Variants in FSCN3 observed in about 807,000 individuals in gnomAD.
FSCN3 encodes the protein fascin-3.
A neutral mutation model predicts 53.5 loss-of-function variants in FSCN3; 43 were observed. The ratio of observed to expected loss-of-function variants is 0.80; its 90% confidence interval spans 0.63 to 1.04. The LOEUF (loss-of-function observed/expected upper bound fraction) is 1.04, where lower values mean the gene tolerates loss of function less well. Among genes scored for constraint, FSCN3 ranks in the 50% least tolerant of loss-of-function variants. The probability of loss-of-function intolerance (pLI) is 0.00; values close to 1 mark genes in which losing one functional copy is unlikely to be tolerated. For missense variants in FSCN3, 594 were observed against 646.5 expected, an observed-to-expected ratio of 0.92 and a Z score of 0.88; for synonymous variants, 235 against 246.6, an observed-to-expected ratio of 0.95 and a Z score of 0.44.
At position 127,595,878 on chromosome 7, in the gene FSCN3, G is replaced by A; in HGVS notation, c.716G>A (p.Gly239Asp). ...GAAGGAGGCATGTTATATCCACAGG[G>A]CACGCATCTGCTCTTGGGCATGGGC... is the stretch of plus-strand genomic sequence containing the variant. Reference protein sequence around the residue: ...DGEGGMLYPQGTHLLLGMGCN... With the variant: ...DGEGGMLYPQDTHLLLGMGCN... The change falls in exon 2 of 7, where the codon GGC (glycine) becomes GAC (aspartate). Residue 239 changes from glycine (G) to aspartate (D), a missense_variant. Gly to Asp is a moderately conservative substitution (Grantham distance 94). Transcript: ENST00000265825. 1 of 1,613,690 alleles carries A rather than the reference G, an allele frequency of 6.2e-7. No homozygotes were observed. The highest frequency in any genetic ancestry group is 8.5e-7 in the Non-Finnish European group (1 of 1,179,778).
rs1208077398 is a variant in FSCN3, at chr7:127,596,371, C to A, written c.885C>A (p.Ser295=). ...RAASERLNRM[S]LFQFECDSES... is the part of the protein sequence containing the mutation. The stretch of plus-strand genomic sequence containing the variant: ...CTTCTGAGCGCTTAAACCGAATGTC[C>A]TTGTTCCAGTTTGAATGTGACAGTG... Residue 295 remains serine (S), a synonymous_variant, in exon 3 of 7, where the codon TCC becomes TCA. Coordinates refer to ENST00000265825, the MANE Select transcript of FSCN3 (RefSeq NM_020369.3). 4 of 1,613,212 alleles carry A rather than the reference C, an allele frequency of 2.5e-6. No individual in the cohort carries two copies. In the East Asian group the frequency reaches 8.9e-5, roughly 36 times the overall value.
At chr7:127,594,083 AGT>A (rs781066193) in intron 1 of FSCN3, 86 bp downstream of exon 1, 2 of 1,403,422 alleles carry the variant, frequency 1.4e-6, no homozygotes, top group African/African-American at 1.7e-5. Context: ...TGTGTGCGTG[AGT>A]GTATGTGTGT....
At chr7:127,597,448 T>C (rs1794405260) in intron 3 of FSCN3, among the ~76,000 whole-genome samples, 1 of 152,072 alleles carries the variant, frequency 6.6e-6, no homozygotes, top group Admixed American at 6.6e-5. Context: ...TGGATTTAAT[T>C]CACATTTACC....
At position 127,599,440 on chromosome 7, in the gene FSCN3, C is replaced by G. The variant is rs370690397; in HGVS notation, c.1180C>G (p.Arg394Gly). Residue 394 changes from arginine to glycine, a missense_variant, in exon 5 of 7, where the codon CGT becomes GGT. By Grantham distance (125) the Arg-to-Gly change is moderately radical. Transcript: ENST00000265825. The stretch of plus-strand genomic sequence containing the variant: ...TCGCTCCTTCCTTGTATTGCGAGGT[C>G]GTTATGGCTATGTGGGCTCCTCATC... ...ANRSFLVLRG[R>G]YGYVGSSSGH... 1.9e-6 allele frequency: 3 copies of G among 1,613,942 alleles called. No homozygotes were observed. The highest frequency in any genetic ancestry group is 2.5e-6 in the Non-Finnish European group (3 of 1,179,880).
At position 127,595,656 on chromosome 7, in the gene FSCN3, G is replaced by T; in HGVS notation, c.494G>T (p.Arg165Leu). The T allele has an allele frequency of 6.2e-7, 1 of 1,613,638 alleles. No homozygotes were observed. Among genetic ancestry groups the T allele is most frequent in the Non-Finnish European group, 8.5e-7 (1 of 1,179,518 alleles). Residue 165 changes from arginine (R) to leucine (L), a missense_variant, in exon 2 of 7, where the codon CGC (arginine) becomes CTC (leucine). Transcript: ENST00000265825. Reference protein sequence around the residue: ...CYARADPTMGRIWVDAAVPCL... With the variant: ...CYARADPTMGLIWVDAAVPCL... ...GCCCGGGCTGACCCCACTATGGGCC[G>T]CATCTGGGTGGACGCAGCAGTTCCC... is the stretch of plus-strand genomic sequence containing the variant.
rs73720861 is a variant in FSCN3, at chr7:127,595,451, C to A, written c.289C>A (p.Leu97Met). ...PRTSHHGCFL[L>M]RFHRNSKWTL... is the part of the protein sequence containing the mutation. The stretch of plus-strand genomic sequence containing the variant: ...GACCAGCCACCATGGGTGCTTTCTA[C>A]TGCGTTTCCACCGGAACAGCAAGTG... Residue 97 changes from leucine (L) to methionine (M), a missense_variant, in exon 2 of 7, where the codon CTG becomes ATG. Physicochemically the swap from Leu to Met is conservative, Grantham distance 15 (BLOSUM62 2). Coordinates refer to ENST00000265825, the MANE Select transcript of FSCN3 (RefSeq NM_020369.3). 5,485 of 1,614,164 alleles carry A rather than the reference C, an allele frequency of 3.4e-3. 165 individuals carry two copies. The African/African-American group carries it at 0.062, about 18-fold the overall frequency.
intron 4 of FSCN3, 70 bp from the exon 5 acceptor site, chr7:127,599,311 C>T (rs1794435650): frequency 8.4e-7 from 1 of 1,187,746 alleles, no homozygotes; most frequent in East Asian, 2.4e-5. Flanking sequence ...TTAGCGTCCC[C>T]CCTCCTGCTT....
rs35223517 is a variant in FSCN3 at position 127,600,276 on chromosome 7, G to A, written c.1374G>A (p.Glu458=). ...WGKFALNFCI[E]LQGSNLLTVL... is the part of the protein sequence containing the mutation. ...AGTTTGCCCTCAACTTCTGTATCGA[G>A]CTTCAGGGGAGCAACTTACTCACTG... Residue 458 remains glutamate, a synonymous_variant, in exon 6 of 7, where the codon GAG becomes GAA. Coordinates refer to ENST00000265825, the MANE Select transcript of FSCN3 (RefSeq NM_020369.3). 6.8e-4 allele frequency: 1,099 copies of A among 1,609,422 alleles called. 4 individuals carry two copies. In the African/African-American group the frequency reaches 0.013, roughly 19 times the overall value.
rs747596714 is a variant in FSCN3 at position 127,598,602 on chromosome 7, G to A, written c.1120+8G>A. ...CCAATGTCATCCTTCCAGGTGAGTG[G>A]AGCAGCCTTCCTGCCAGATGATTCC... On this transcript the variant is annotated splice_region_variant and intron_variant, in intron 4 of 6. Coordinates refer to ENST00000265825, the MANE Select transcript of FSCN3 (RefSeq NM_020369.3). 1.9e-6 allele frequency: 3 copies of A among 1,592,074 alleles called. No individual in the cohort carries two copies. Among genetic ancestry groups the A allele is most frequent in the East Asian group, 4.5e-5 (2 of 44,326 alleles).
chr7:127,598,013 C>T (rs1210495176), intron 3 of FSCN3, among the ~76,000 whole-genome samples: 2 of 152,148 alleles, frequency 1.3e-5, no homozygotes, highest in African/African-American at 4.8e-5. Context: ...CAGTGAAGTT[C>T]AGTTTATCAA....
At chr7:127,598,668 T>TA in intron 4 of FSCN3, 74 bp downstream of exon 4, 1 of 1,325,946 alleles carries the variant, frequency 7.5e-7, no homozygotes, top group East Asian at 2.3e-5. Flanking sequence ...ATATGATTGT[T>TA]AAAAAGAGCA....
Position 127,595,572 on chromosome 7 carries a change from C to T in FSCN3, c.410C>T (p.Thr137Ile), listed in dbSNP as rs752054637. 1.2e-6 allele frequency: 2 copies of T among 1,613,830 alleles called. No individual in the cohort carries two copies. Among genetic ancestry groups the T allele is most frequent in the Non-Finnish European group, 1.7e-6 (2 of 1,179,718 alleles). Residue 137 changes from threonine (T) to isoleucine (I), a missense_variant, in exon 2 of 7, where the codon ACC becomes ATC. By Grantham distance (89) the Thr-to-Ile change is moderately conservative. Coordinates refer to ENST00000265825, the MANE Select transcript of FSCN3 (RefSeq NM_020369.3). ...SHVLSAYHMW[T>I]PRPALHVHVI... The stretch of plus-strand genomic sequence containing the variant: ...GTCCTCTCAGCTTACCACATGTGGA[C>T]CCCCCGACCAGCCCTCCATGTCCAC...
chr7:127,599,999 C>G (rs1184051101), intron 5 of FSCN3, among the ~76,000 whole-genome samples, 195 bp from the exon 6 acceptor site: 3 of 151,982 alleles, frequency 2.0e-5, no homozygotes, highest in Non-Finnish European at 4.4e-5. Flanking sequence ...CTTCAAAGCC[C>G]CAGGGTGGGT....
At chr7:127,597,070 G>A (rs988881218) in intron 3 of FSCN3, among the ~76,000 whole-genome samples, 7 of 152,202 alleles carry the variant, frequency 4.6e-5, no homozygotes, top group Non-Finnish European at 8.8e-5. Flanking sequence ...TTTTATTGCC[G>A]AGTGGTATTC....
chr7:127,599,657 A>T lies in FSCN3; in HGVS notation c.1291+106A>T, dbSNP rs1440261487. 2.1e-5 allele frequency: 23 copies of T among 1,093,848 alleles called. No individual in the cohort carries two copies. The East Asian group carries it at 5.3e-4, about 25-fold the overall frequency. 67.8% of individuals were successfully genotyped at this position (1,093,848 alleles called of 1,614,324 possible). On this transcript the variant is annotated intron_variant, in intron 5 of 6. Coordinates refer to ENST00000265825, the MANE Select transcript of FSCN3 (RefSeq NM_020369.3). ...CTCAGGGCTTGCTCATTATAAAAGG[A>T]AAAACAGGCCAGGCGCAGTGGCTCA...
At position 127,599,540 on chromosome 7, in the gene FSCN3, A is replaced by G. The variant is rs1368972335; in HGVS notation, c.1280A>G (p.Tyr427Cys). 6.2e-7 allele frequency: 1 copy of G among 1,613,886 alleles called. No homozygotes were observed. Among genetic ancestry groups the G allele is most frequent in the South Asian group, 1.1e-5 (1 of 91,048 alleles). The change falls in exon 5 of 7, where the codon TAC becomes TGC. Residue 427 changes from tyrosine (Y) to cysteine (C), a missense_variant. Tyr to Cys is a radical substitution (Grantham distance 194). Coordinates refer to ENST00000265825, the MANE Select transcript of FSCN3 (RefSeq NM_020369.3). ...IHLLPCRPGI[Y>C]HFQAQGGSFW... ...CTACTACCCTGCCGACCGGGTATCT[A>G]CCACTTCCAGGGTGAGTGGCTCCTC...
chr7:127,600,068 C>G lies in FSCN3; in HGVS notation c.1292-126C>G. 4.7e-6 allele frequency: 3 copies of G among 632,476 alleles called. No individual in the cohort carries two copies. In the East Asian group the frequency reaches 8.0e-5, roughly 17 times the overall value. The allele number at this position is 632,476 out of a possible 1,614,324, so 39.2% of individuals were successfully genotyped here. ...CGCTCCTGCATTTCCATAGAAGGACCCGCCAATGCAGGCAGGATGGGGCAG... is the reference window on the plus strand; with the variant it reads ...CGCTCCTGCATTTCCATAGAAGGACGCGCCAATGCAGGCAGGATGGGGCAG... On this transcript the variant is annotated intron_variant, in intron 5 of 6. Coordinates refer to ENST00000265825, the MANE Select transcript of FSCN3 (RefSeq NM_020369.3).
intron 6 of FSCN3, among the ~76,000 whole-genome samples, chr7:127,601,368 T>A (rs1320605855): frequency 6.6e-6 from 1 of 152,250 alleles, no homozygotes; most frequent in Non-Finnish European, 1.5e-5. Context: ...TGTCCCTTCC[T>A]AATGGACCTC....
intron 5 of FSCN3, 110 bp from the exon 6 acceptor site, chr7:127,600,084 G>A (rs1437657967): frequency 2.9e-6 from 2 of 681,834 alleles, no homozygotes; most frequent in African/African-American, 1.8e-5. Flanking sequence ...ATGCAGGCAG[G>A]ATGGGGCAGC....
Sources: gnomAD v4.1 joint callset for allele counts (sites outside exome capture counted in the v4.1 genomes callset) on GRCh38, gnomAD v4.1.1 for gene constraint, MANE v1.5 for transcripts, NCBI Gene and HGNC (gene_info 2026-07-23, HGNC 2026-07-21) for gene names.